The following TECTA variants were observed in gnomAD, a reference collection of about 807,000 sequenced individuals.
The protein encoded by TECTA is alpha-tectorin.
Under a neutral mutation model 216.8 loss-of-function variants are expected in TECTA, and 128 were observed. That is an observed-to-expected ratio of 0.59 (90% CI 0.51 to 0.68). The LOEUF (loss-of-function observed/expected upper bound fraction) is 0.68. TECTA is among the 30% of genes least tolerant of loss of function. The probability of loss-of-function intolerance (pLI) is 0.00; values close to 1 mark genes in which losing one functional copy is unlikely to be tolerated. For missense variants in TECTA, 2,551 were observed against 2,786.2 expected (o/e 0.92, Z 1.90); for synonymous variants, 1,089 against 1,117.1 (o/e 0.97, Z 0.50).
intron 11 of TECTA, among the ~76,000 whole-genome samples, chr11:121,145,054 T>C (rs4936582): frequency 0.27 from 41,599 of 152,080 alleles, 7,226 homozygotes; most frequent in African/African-American, 0.49. Context: ...GAGCAGGGTC[T>C]GGAGGATGAG....
intron 3 of TECTA, among the ~76,000 whole-genome samples, chr11:121,108,550 A>C (rs1946412199): frequency 2.2e-5 from 3 of 137,908 alleles, no homozygotes; most frequent in South Asian, 2.4e-4. Flanking sequence ...ACACATACAC[A>C]CCACCCCCAG....
At chr11:121,164,918 A>C (rs541273035) in intron 16 of TECTA, among the ~76,000 whole-genome samples, 110 of 152,368 alleles carry the variant, frequency 7.2e-4, no homozygotes, top group Admixed American at 1.3e-3. Context: ...GTTATAGTGT[A>C]GTAGGTGCCT....
chr11:121,129,996 G>A lies in TECTA; in HGVS notation c.2726G>A (p.Arg909His), dbSNP rs750620981. ...DSELLKFYRSRSRCGIINDPS... is the reference protein window; with the variant it reads ...DSELLKFYRSHSRCGIINDPS... ...GAGCTGCTCAAGTTTTATCGAAGCC[G>A]CTCCAGGTGCGGCATCATCAACGAC... The change falls in exon 10 of 24, where the codon CGC becomes CAC. Residue 909 changes from arginine to histidine, a missense_variant. Transcript: ENST00000392793. 1.2e-5 allele frequency: 19 copies of A among 1,605,950 alleles called. No homozygotes were observed. The highest frequency in any genetic ancestry group is 6.7e-5 in the East Asian group (3 of 44,732).
chr11:121,137,993 A>G lies in TECTA; in HGVS notation c.3514A>G (p.Ile1172Val). ...DVTVFGYSIV[I>V]HRAYKHTVLV... Reference sequence around the variant, plus strand: ...GACCGTGTTTGGCTACAGCATCGTGATCCACCGAGCTTACAAGCACACTGT... The same window carrying G: ...GACCGTGTTTGGCTACAGCATCGTGGTCCACCGAGCTTACAAGCACACTGT... The change falls in exon 11 of 24, where the codon ATC (isoleucine) becomes GTC (valine). Residue 1172 changes from isoleucine (I) to valine (V), a missense_variant. Ile to Val is a conservative substitution (Grantham distance 29). Coordinates refer to ENST00000392793, the MANE Select transcript of TECTA (RefSeq NM_005422.4). The G allele has an allele frequency of 6.2e-7, 1 of 1,613,690 alleles. No homozygotes were observed. The highest frequency in any genetic ancestry group is 1.3e-5 in the African/African-American group (1 of 75,036).
At position 121,125,710 on chromosome 11, in the gene TECTA, G is replaced by C; in HGVS notation, c.1612G>C (p.Gly538Arg). ...NKTDGPLWEC[G>R]TVVDPTAFVH... ...GACAGACGGCCCTCTGTGGGAGTGT[G>C]GCACTGTCGTGGACCCCACTGCTTT... The change falls in exon 8 of 24, where the codon GGC becomes CGC. Residue 538 changes from glycine to arginine, a missense_variant. Gly to Arg is a moderately radical substitution (Grantham distance 125, BLOSUM62 -2). Around this residue, in one of 3 missense-constraint regions of TECTA, gnomAD observed 2,375 missense variants for 2,563.9 expected, o/e 0.93. Coordinates refer to ENST00000392793, the MANE Select transcript of TECTA (RefSeq NM_005422.4). The C allele has an allele frequency of 6.2e-7, 1 of 1,610,980 alleles. No homozygotes were observed. The highest frequency in any genetic ancestry group is 8.5e-7 in the Non-Finnish European group (1 of 1,177,278).
At chr11:121,123,888 G>A (rs944976878) in intron 7 of TECTA, among the ~76,000 whole-genome samples, 26 of 151,910 alleles carry the variant, frequency 1.7e-4, no homozygotes, top group African/African-American at 5.6e-4. Context: ...CTCCAGCCAC[G>A]TCCCCTACAC....
chr11:121,145,143 T>C (rs1946822503), intron 11 of TECTA, among the ~76,000 whole-genome samples: 1 of 151,966 alleles, frequency 6.6e-6, no homozygotes, highest in Admixed American at 6.5e-5. Flanking sequence ...AAAAAAGAAA[T>C]CTCGAAGGAA....
intron 20 of TECTA, among the ~76,000 whole-genome samples, chr11:121,183,559 T>G (rs1226062662): frequency 2.0e-5 from 3 of 152,154 alleles, no homozygotes; most frequent in African/African-American, 7.2e-5. Context: ...TTTATTTTCA[T>G]GCCTCGGAGA....
intron 8 of TECTA, among the ~76,000 whole-genome samples, chr11:121,126,413 A>G (rs1946613010): frequency 6.6e-6 from 1 of 152,232 alleles, no homozygotes; most frequent in African/African-American, 2.4e-5. Flanking sequence ...AGTGGTTAGG[A>G]AAAGCCCCAA....
chr11:121,188,073 C>T (rs1448472565), intron 21 of TECTA, 79 bp downstream of exon 21: 1 of 1,509,802 alleles, frequency 6.6e-7, no homozygotes, highest in African/African-American at 1.4e-5. Context: ...TCGTGAATGC[C>T]AGGTGACCGG....
intron 14 of TECTA, 47 bp from the exon 15 acceptor site, chr11:121,160,088 A>C: frequency 6.2e-7 from 1 of 1,613,660 alleles, no homozygotes; most frequent in Admixed American, 1.7e-5. Flanking sequence ...CAAGTTTGCC[A>C]ACACCTACTC....
At chr11:121,155,512 G>A (rs1440809091) in intron 13 of TECTA, among the ~76,000 whole-genome samples, 3 of 152,188 alleles carry the variant, frequency 2.0e-5, no homozygotes, top group East Asian at 3.8e-4. Flanking sequence ...GAAAGAATCA[G>A]CAATAGCATC....
intron 12 of TECTA, 102 bp downstream of exon 12, chr11:121,146,218 G>T: frequency 7.2e-7 from 1 of 1,380,138 alleles, no homozygotes; most frequent in Admixed American, 1.9e-5. Flanking sequence ...AAATTGAGTA[G>T]CAATTTAAGG....
chr11:121,136,566 A>T (rs1946729397), intron 10 of TECTA, among the ~76,000 whole-genome samples: 1 of 152,216 alleles, frequency 6.6e-6, no homozygotes, highest in South Asian at 2.1e-4. Flanking sequence ...GGAGCAAGGC[A>T]TACCATTGAT....
chr11:121,141,500 A>G (rs1946783219), intron 11 of TECTA, among the ~76,000 whole-genome samples: 1 of 152,224 alleles, frequency 6.6e-6, no homozygotes, highest in African/African-American at 2.4e-5. Flanking sequence ...TAGACCAGAC[A>G]GGGTAGGGGG....
chr11:121,160,473 C>T (rs774438507), intron 15 of TECTA, 52 bp downstream of exon 15: 20 of 1,597,800 alleles, frequency 1.3e-5, no homozygotes, highest in Non-Finnish European at 1.7e-5. Flanking sequence ...AGTTCTCTCA[C>T]GTCCATGGGT....
chr11:121,146,040 C>T lies in TECTA; in HGVS notation c.4029C>T (p.Ser1343=). The T allele has an allele frequency of 6.2e-7, 1 of 1,613,854 alleles. No homozygotes were observed. The change falls in exon 12 of 24, where the codon AGC becomes AGT. Residue 1343 remains serine, a synonymous_variant. Transcript: ENST00000392793. ...GGGGCGCGGTGCAGACCGCCTGCAG[C>T]TGGCTGCAGAACTACGCCAGCACCT... ...IDGGAVQTAC[S]WLQNYASTCQ...
At position 121,145,259 on chromosome 11, in the gene TECTA, T is replaced by C. The variant is rs4936583; in HGVS notation, c.3544-296T>C. Among the ~76,000 whole-genome samples, 41,595 of 152,156 alleles carry C rather than the reference T, an allele frequency of 0.27. 7,219 individuals are homozygous for C. The highest frequency in any genetic ancestry group is 0.49 in the African/African-American group (20,302 of 41,478). On this transcript the variant is annotated intron_variant, in intron 11 of 23. Coordinates refer to ENST00000392793, the MANE Select transcript of TECTA (RefSeq NM_005422.4). ...TCAGTCTAAACTTTAATTGAATTCT[T>C]ATTACCTTTACATTACCTTGGAGAA...
chr11:121,108,261 A>G (rs1946407846), intron 3 of TECTA, among the ~76,000 whole-genome samples: 1 of 151,850 alleles, frequency 6.6e-6, no homozygotes, highest in Non-Finnish European at 1.5e-5. Flanking sequence ...CCCAGCACAT[A>G]CACGCATGCC....
Sources: gnomAD v4.1 joint callset for allele counts (sites outside exome capture counted in the v4.1 genomes callset) on GRCh38, gnomAD v4.1.1 for gene constraint, gnomAD v4.1.1 regional missense constraint, MANE v1.5 for transcripts, NCBI Gene and HGNC (gene_info 2026-07-23, HGNC 2026-07-21) for gene names.